STK31: variants seen among roughly 807,000 people sequenced by gnomAD.
The protein encoded by STK31 is serine/threonine kinase 31, also known as serine/threonine-protein kinase 31.
STK31 carries 89 observed loss-of-function variants against 129.7 expected under a neutral mutation model. The observed-to-expected ratio is 0.69, with a 90% confidence interval of 0.58 to 0.82. The LOEUF (loss-of-function observed/expected upper bound fraction) is 0.82. STK31 is among the 40% of genes least tolerant of loss of function. The pLI, the probability that STK31 is intolerant of heterozygous loss-of-function variation, is 0.00. For synonymous variants in STK31, 448 were observed against 395.3 expected, an observed-to-expected ratio of 1.13 and a Z score of -1.58; for missense variants, 1,187 against 1,176.4, an observed-to-expected ratio of 1.01 and a Z score of -0.13.
intron 22 of STK31, among the ~76,000 whole-genome samples, chr7:23,793,288 A>T (rs1001117588): frequency 6.6e-6 from 1 of 152,242 alleles, no homozygotes; most frequent in Non-Finnish European, 1.5e-5. Context: ...CGTGAGTCTA[A>T]AACTTATAGA....
chr7:23,826,107 A>G (rs1280710019), intron 23 of STK31, among the ~76,000 whole-genome samples: 1 of 152,148 alleles, frequency 6.6e-6, no homozygotes, highest in Non-Finnish European at 1.5e-5. Flanking sequence ...GTAGATGTCT[A>G]TTAGGTCCTC....
At chr7:23,744,925 C>G (rs1562566418) in intron 8 of STK31, among the ~76,000 whole-genome samples, 1 of 152,184 alleles carries the variant, frequency 6.6e-6, no homozygotes, top group Admixed American at 6.5e-5. Context: ...GCTTGGGTTT[C>G]CAGGAGTCTT....
chr7:23,786,416 TA>T, intron 18 of STK31, 91 bp from the exon 19 acceptor site: 1 of 1,259,588 alleles, frequency 7.9e-7, no homozygotes. Context: ...TGATTTAACT[TA>T]AAATAATGAA....
At chr7:23,783,815 C>T (rs928015159) in intron 17 of STK31, 152 bp downstream of exon 17, 12 of 568,854 alleles carry the variant, frequency 2.1e-5, no homozygotes, top group Non-Finnish European at 3.6e-5. Flanking sequence ...TTCTTATGAC[C>T]CTTTAATAGT....
intron 10 of STK31, among the ~76,000 whole-genome samples, chr7:23,757,284 CACAGAG>C (rs200492749): frequency 0.021 from 3,234 of 152,186 alleles, 56 homozygotes; most frequent in African/African-American, 0.049. Flanking sequence ...AAGAAAGAGA[CACAGAG>C]ACAAAGTATA....
intron 3 of STK31, among the ~76,000 whole-genome samples, 174 bp from the exon 4 acceptor site, chr7:23,717,307 A>G (rs1786403411): frequency 6.6e-6 from 1 of 151,754 alleles, no homozygotes; most frequent in Non-Finnish European, 1.5e-5. Context: ...TCTATGGCCT[A>G]GTCTCATTTC....
At chr7:23,803,946 C>T (rs929780792) in intron 22 of STK31, among the ~76,000 whole-genome samples, 11 of 152,080 alleles carry the variant, frequency 7.2e-5, no homozygotes, top group Non-Finnish European at 1.3e-4. Flanking sequence ...TTTCTAGAAG[C>T]CAGTTTTTAA....
intron 17 of STK31, 60 bp downstream of exon 17, chr7:23,783,723 T>C: frequency 7.4e-7 from 1 of 1,349,076 alleles, no homozygotes; most frequent in Non-Finnish European, 1.0e-6. Flanking sequence ...AGTGATAATA[T>C]TAAATTTGTG....
intron 22 of STK31, among the ~76,000 whole-genome samples, chr7:23,814,932 A>G (rs1251822086): frequency 2.0e-5 from 3 of 152,136 alleles, no homozygotes; most frequent in African/African-American, 7.2e-5. Context: ...TATAGTGTGT[A>G]CATCCCCTCT....
At chr7:23,745,916 G>A (rs987521224) in intron 8 of STK31, among the ~76,000 whole-genome samples, 1 of 152,216 alleles carries the variant, frequency 6.6e-6, no homozygotes, top group Admixed American at 6.5e-5. Flanking sequence ...GTGGCTGCAA[G>A]CAGGATAGCA....
intron 18 of STK31, 54 bp downstream of exon 18, chr7:23,785,657 G>C: frequency 6.5e-7 from 1 of 1,547,602 alleles, no homozygotes; most frequent in Non-Finnish European, 8.7e-7. Flanking sequence ...AAGGATAGTG[G>C]TGCTGTTACA....
chr7:23,800,815 T>C lies in STK31; in HGVS notation c.2760+9869T>C, dbSNP rs369639919. On this transcript the variant is annotated intron_variant, in intron 22 of 23. Coordinates refer to ENST00000355870, the MANE Select transcript of STK31 (RefSeq NM_031414.5). ...CATATTAGTGGTATCATACAGTATA[T>C]AATTTTGTGAGTCTAGCTTCTTTCA... 6.7e-5 allele frequency among the ~76,000 whole-genome samples: 10 copies of C among 150,002 alleles called. No homozygotes were observed. The East Asian group carries it at 1.9e-3, about 29-fold the overall frequency.
chr7:23,725,741 G>A (rs1787023486), intron 4 of STK31: 1 of 152,140 alleles, frequency 6.6e-6, no homozygotes, highest in Admixed American at 6.6e-5. Context: ...GACTTAAGTG[G>A]CATGTACTTC....
chr7:23,745,577 G>A (rs1788300102), intron 8 of STK31, among the ~76,000 whole-genome samples: 1 of 152,220 alleles, frequency 6.6e-6, no homozygotes, highest in South Asian at 2.1e-4. Flanking sequence ...CAGCAGCTTT[G>A]CTGCTTAGGG....
At chr7:23,792,285 T>C (rs972160941) in intron 22 of STK31, among the ~76,000 whole-genome samples, 2 of 152,182 alleles carry the variant, frequency 1.3e-5, no homozygotes, top group Non-Finnish European at 2.9e-5. Context: ...TTTAGAAAGA[T>C]AGCAGTTTTA....
At chr7:23,746,452 C>G (rs574712529) in intron 8 of STK31, among the ~76,000 whole-genome samples, 25 of 152,308 alleles carry the variant, frequency 1.6e-4, no homozygotes, top group African/African-American at 6.0e-4. Flanking sequence ...TCCCATTTCT[C>G]TCTTAGATGA....
At chr7:23,712,834 G>A (rs558412506) in intron 3 of STK31, among the ~76,000 whole-genome samples, 1 of 152,308 alleles carries the variant, frequency 6.6e-6, no homozygotes, top group Non-Finnish European at 1.5e-5. Flanking sequence ...CACAATTTAA[G>A]AAGGTAAATT....
intron 15 of STK31, among the ~76,000 whole-genome samples, chr7:23,779,568 A>G (rs1243030146): frequency 1.3e-5 from 2 of 152,198 alleles, no homozygotes; most frequent in Non-Finnish European, 2.9e-5. Context: ...CGGTCTGGCT[A>G]CAGAGGCTTT....
At chr7:23,761,612 G>GAAA (rs1789468738) in intron 10 of STK31, among the ~76,000 whole-genome samples, 2 of 151,280 alleles carry the variant, frequency 1.3e-5, no homozygotes, top group South Asian at 2.1e-4. Context: ...AGTAGAGATG[G>GAAA]GGTTTCACCA....
Sources: allele counts gnomAD v4.1 joint callset (sites outside exome capture counted in the v4.1 genomes callset), GRCh38; gene constraint gnomAD v4.1.1; transcripts MANE v1.5; gene names NCBI Gene and HGNC (gene_info 2026-07-23, HGNC 2026-07-21).